Variants in SERPINE3 observed in about 807,000 individuals in gnomAD.
SERPINE3 encodes serpin E3.
In SERPINE3, 43 loss-of-function variants were observed where a neutral mutation model predicts 41.7. The ratio of observed to expected loss-of-function variants is 1.03; its 90% confidence interval spans 0.81 to 1.33. The LOEUF is 1.33. Among genes scored for constraint, SERPINE3 ranks in the 40% most tolerant of loss-of-function variants. The pLI, the probability that SERPINE3 is intolerant of heterozygous loss-of-function variation, is 0.00. For missense variants in SERPINE3, 440 were observed against 491.7 expected (o/e 0.89, Z 0.99); for synonymous variants, 200 against 192.2 (o/e 1.04, Z -0.34).
chr13:51,346,937 C>T lies in SERPINE3; in HGVS notation c.491-88C>T, dbSNP rs928597046. 5.3e-6 allele frequency: 5 copies of T among 947,382 alleles called. No homozygotes were observed. The African/African-American group carries it at 6.5e-5, about 12-fold the overall frequency. The allele number at this position is 947,382 out of a possible 1,614,324, so 58.7% of individuals were successfully genotyped here. ...AAAGACCTGCATTTTCGCATTTTAACTCTGCACTCCTTGTCCGCACACACA... is the reference window on the plus strand; with the variant it reads ...AAAGACCTGCATTTTCGCATTTTAATTCTGCACTCCTTGTCCGCACACACA... On this transcript the variant is annotated intron_variant, in intron 4 of 9. Transcript: ENST00000681248.
At position 51,347,041 on chromosome 13, in the gene SERPINE3, G is replaced by A; in HGVS notation, c.507G>A (p.Glu169=). ...SRETAGGGPS[E]GPGGWPWEQV... ...TGCTTGCAGGTGGGGGCCCCAGTGA[G>A]GGCCCTGGTGGCTGGCCGTGGGAGC... The change falls in exon 5 of 10, where the codon GAG becomes GAA. Residue 169 remains glutamate, a synonymous_variant. Coordinates refer to ENST00000681248, the MANE Select transcript of SERPINE3 (RefSeq NM_001386375.1). 6.3e-7 allele frequency: 1 copy of A among 1,585,054 alleles called. No homozygotes were observed.
At chr13:51,344,612 A>G (rs895970749) in intron 4 of SERPINE3, 127 bp downstream of exon 4, 2 of 723,988 alleles carry the variant, frequency 2.8e-6, no homozygotes, top group Non-Finnish European at 4.7e-6. Flanking sequence ...CTGTCCTCTT[A>G]GGAGATCCTA....
chr13:51,344,516 T>A (rs1207663658), intron 4 of SERPINE3, 31 bp downstream of exon 4: 2 of 1,505,704 alleles, frequency 1.3e-6, no homozygotes, highest in African/African-American at 2.8e-5. Context: ...TCAACAAGGC[T>A]AAGGCAGAGG....
chr13:51,358,147 G>A (rs187713358), intron 7 of SERPINE3, among the ~76,000 whole-genome samples: 13 of 152,102 alleles, frequency 8.5e-5, no homozygotes, highest in African/African-American at 3.1e-4. Context: ...CTCCTGGGCC[G>A]GGTGCTATGT....
At chr13:51,340,979 A>G in intron 2 of SERPINE3, 96 bp from the exon 3 acceptor site, 1 of 1,299,832 alleles carries the variant, frequency 7.7e-7, no homozygotes, top group South Asian at 1.4e-5. Context: ...CCTAGCCCCT[A>G]AAAACAGAGC....
rs1343082955 is a variant in SERPINE3 at position 51,341,262 on chromosome 13, GTCCC to G, written c.176_179del (p.Leu59ProfsTer30). 2 of 1,614,006 alleles carry G rather than the reference GTCCC, an allele frequency of 1.2e-6. No homozygotes were observed. The highest frequency in any genetic ancestry group is 1.7e-5 in the Admixed American group (1 of 60,032). On this transcript the variant is annotated frameshift_variant, in exon 3 of 10. Transcript: ENST00000681248. LOFTEE classifies it high-confidence loss of function. The stretch of plus-strand genomic sequence containing the variant: ...ACTTTGTCATCTCTCCTGCTGGTGT[GTCCC>G]TCCCCCTGGAGATCCTGCAGTTTGG...
intron 7 of SERPINE3, among the ~76,000 whole-genome samples, chr13:51,356,811 C>G (rs1430461468): frequency 6.7e-6 from 1 of 148,622 alleles, no homozygotes; most frequent in Non-Finnish European, 1.5e-5. Flanking sequence ...CTATTCAAAT[C>G]TACTTATATT....
intron 6 of SERPINE3, among the ~76,000 whole-genome samples, chr13:51,353,646 G>A (rs1461192426): frequency 6.6e-6 from 1 of 152,092 alleles, no homozygotes; most frequent in South Asian, 2.1e-4. Flanking sequence ...AAAGTTTTTT[G>A]GAGAAATGTC....
In SERPINE3 at chr13:51,341,357, C is replaced by T. The variant is rs756624140; in HGVS notation, c.256+10C>T. 1.9e-6 allele frequency: 3 copies of T among 1,575,392 alleles called. No homozygotes were observed. The highest frequency in any genetic ancestry group is 1.9e-5 in the Admixed American group (1 of 53,536). On this transcript the variant is annotated intron_variant, in intron 3 of 9. Coordinates refer to ENST00000681248, the MANE Select transcript of SERPINE3 (RefSeq NM_001386375.1). ...GGGTACACTGTCCATGGTAAGAGGC[C>T]TGCCCACGTGCACACTCACTTACCC... is the stretch of plus-strand genomic sequence containing the variant.
chr13:51,355,085 T>G lies in SERPINE3; in HGVS notation c.942T>G (p.Asn314Lys). The G allele has an allele frequency of 6.4e-7, 1 of 1,551,808 alleles. No individual in the cohort carries two copies. The highest frequency in any genetic ancestry group is 8.7e-7 in the Non-Finnish European group (1 of 1,144,954). ...QNQFNLKSIL[N>K]SWGVTDLFDP... ...AATTCAACTTAAAAAGCATTTTAAATTCTTGGGGAGTCACCGATCTTTTTG... is the reference window on the plus strand; with the variant it reads ...AATTCAACTTAAAAAGCATTTTAAAGTCTTGGGGAGTCACCGATCTTTTTG... Residue 314 changes from asparagine to lysine, a missense_variant, in exon 7 of 10, where the codon AAT becomes AAG. Physicochemically the swap from Asn to Lys is moderately conservative, Grantham distance 94. Coordinates refer to ENST00000681248, the MANE Select transcript of SERPINE3 (RefSeq NM_001386375.1).
At position 51,347,154 on chromosome 13, in the gene SERPINE3, C is replaced by T. The variant is rs771017524; in HGVS notation, c.620C>T (p.Thr207Ile). Residue 207 changes from threonine (T) to isoleucine (I), a missense_variant, in exon 5 of 10, where the codon ACA becomes ATA. Coordinates refer to ENST00000681248, the MANE Select transcript of SERPINE3 (RefSeq NM_001386375.1). The stretch of plus-strand genomic sequence containing the variant: ...CGAAAGAGATTCTCCTCCACAGACA[C>T]ACAGATCCTGCCTTTCACCTGTGCC... ...TWRKRFSSTD[T>I]QILPFTCAYG... 2 of 1,613,996 alleles carry T rather than the reference C, an allele frequency of 1.2e-6. No individual in the cohort carries two copies. The highest frequency in any genetic ancestry group is 1.6e-4 in the Middle Eastern group (1 of 6,062).
chr13:51,351,651 CTA>C lies in SERPINE3; in HGVS notation c.899+3242_899+3243del, dbSNP rs201118898. Among the ~76,000 whole-genome samples the C allele has an allele frequency of 8.5e-3, 1,290 of 152,140 alleles. 17 individuals are homozygous for C. Among genetic ancestry groups the C allele is most frequent in the African/African-American group, 0.029 (1,187 of 41,534 alleles). On this transcript the variant is annotated intron_variant, in intron 6 of 9. Coordinates refer to ENST00000681248, the MANE Select transcript of SERPINE3 (RefSeq NM_001386375.1). ...TTAATTTGGATGAAGCTCAATTAAT[CTA>C]TGTTTTCTTTTGTTTCTTGCGCTTT...
At chr13:51,342,572 G>C (rs957828271) in intron 3 of SERPINE3, among the ~76,000 whole-genome samples, 26 of 152,126 alleles carry the variant, frequency 1.7e-4, no homozygotes, top group Non-Finnish European at 3.7e-4. Context: ...GACAAACTAG[G>C]CTAGGGCAGA....
At position 51,364,306 on chromosome 13, in the gene SERPINE3, A is replaced by G. The variant is rs945267670; in HGVS notation, c.*24A>G. 1.9e-5 allele frequency: 26 copies of G among 1,354,962 alleles called. No homozygotes were observed. The highest frequency in any genetic ancestry group is 2.3e-5 in the Non-Finnish European group (23 of 997,448). The allele number at this position is 1,354,962 out of a possible 1,614,324, so 83.9% of individuals were successfully genotyped here. ...AAATGCATGTTCTCCACTTTCATCA[A>G]TGCTTTTCTTCATAAAGTTATAATT... is the stretch of plus-strand genomic sequence containing the variant. On this transcript the variant is annotated 3_prime_UTR_variant, in exon 10 of 10. Transcript: ENST00000681248.
intron 6 of SERPINE3, among the ~76,000 whole-genome samples, chr13:51,353,196 T>A (rs552236892): frequency 6.6e-6 from 1 of 152,088 alleles, no homozygotes; most frequent in African/African-American, 2.4e-5. Flanking sequence ...TCACTTTTAC[T>A]GATGTTTTTA....
At chr13:51,355,226 A>AGAG (rs1955461929) in intron 7 of SERPINE3, 83 bp downstream of exon 7, 1 of 525,742 alleles carries the variant, frequency 1.9e-6, no homozygotes, top group Non-Finnish European at 3.3e-6. Context: ...TTCTCATTTC[A>AGAG]GAGTCAACAT....
intron 3 of SERPINE3, 88 bp downstream of exon 3, chr13:51,341,435 T>A (rs926712492): frequency 3.2e-6 from 4 of 1,252,966 alleles, no homozygotes; most frequent in African/African-American, 1.5e-5. Flanking sequence ...ACACTCACAC[T>A]CACTCTCTCC....
intron 4 of SERPINE3, among the ~76,000 whole-genome samples, chr13:51,345,172 C>G (rs548699938): frequency 6.6e-6 from 1 of 152,286 alleles, no homozygotes; most frequent in South Asian, 2.1e-4. Flanking sequence ...GGCGCTATTA[C>G]TCTCCCCATT....
Position 51,347,093 on chromosome 13 carries a change from G to C in SERPINE3, c.559G>C (p.Val187Leu). The change falls in exon 5 of 10, where the codon GTG becomes CTG. Residue 187 changes from valine (V) to leucine (L), a missense_variant. Val to Leu is a conservative substitution (Grantham distance 32). Coordinates refer to ENST00000681248, the MANE Select transcript of SERPINE3 (RefSeq NM_001386375.1). ...EQVSAAFAQL[V>L]LVSTMSFQGT... ...AGTCAGTGCAGCATTTGCTCAGCTT[G>C]TGCTTGTGAGCACCATGTCCTTCCA... 1 of 1,609,108 alleles carries C rather than the reference G, an allele frequency of 6.2e-7. No individual in the cohort carries two copies. The highest frequency in any genetic ancestry group is 8.5e-7 in the Non-Finnish European group (1 of 1,177,830).
Sources: gnomAD v4.1 joint callset for allele counts (sites outside exome capture counted in the v4.1 genomes callset) on GRCh38, gnomAD v4.1.1 for gene constraint, MANE v1.5 for transcripts, NCBI Gene and HGNC (gene_info 2026-07-23, HGNC 2026-07-21) for gene names.